The following MTERF4 variants were observed in gnomAD, a reference collection of about 807,000 sequenced individuals.
The protein encoded by MTERF4 is mitochondrial transcription termination factor 4, also known as transcription termination factor 4, mitochondrial.
In MTERF4, 17 loss-of-function variants were observed where a neutral mutation model predicts 22.5. That is an observed-to-expected ratio of 0.75 (90% CI 0.52 to 1.13). The LOEUF is 1.13. Among genes scored for constraint, MTERF4 ranks in the 50% most tolerant of loss-of-function variants. The pLI, the probability that MTERF4 is intolerant of heterozygous loss-of-function variation, is 0.00. For missense variants in MTERF4, 420 were observed against 466.8 expected, an observed-to-expected ratio of 0.90 and a Z score of 0.92; for synonymous variants, 165 against 175.3, an observed-to-expected ratio of 0.94 and a Z score of 0.47.
chr2:241,099,260 A>G (rs1187022579), intron 2 of MTERF4, 136 bp downstream of exon 2: 16 of 945,356 alleles, frequency 1.7e-5, no homozygotes, highest in Non-Finnish European at 2.5e-5. Flanking sequence ...TTTTTAGTTG[A>G]GTCAGGGTTT....
chr2:241,079,130 A>AG (rs35283409), intron 4 of MTERF4, among the ~76,000 whole-genome samples: 5 of 142,952 alleles, frequency 3.5e-5, no homozygotes, highest in Admixed American at 7.1e-5. Flanking sequence ...AAAAAAAAAA[A>AG]GGCCGGGCGC....
the MTERF4 span, among the ~76,000 whole-genome samples, chr2:241,046,343 A>C: frequency 0.029 from 4,358 of 152,306 alleles, 222 homozygotes; most frequent in African/African-American, 0.1. Flanking sequence ...TTTACACACA[A>C]ATCCATATAC....
downstream of MTERF4, chr2:241,093,114 C>G (rs950670715): frequency 6.6e-6 from 1 of 152,588 alleles, no homozygotes; most frequent in Middle Eastern, 3.4e-3. Context: ...AAAGAAGGAA[C>G]AGGCAATTCG....
the MTERF4 span, among the ~76,000 whole-genome samples, chr2:241,042,700 G>GA: frequency 8.5e-5 from 13 of 152,130 alleles, no homozygotes; most frequent in African/African-American, 3.1e-4. Flanking sequence ...TTGTAGAAAT[G>GA]AAAAATATAT....
the MTERF4 span, chr2:241,063,468 T>G: frequency 1.4e-6 from 1 of 730,076 alleles, no homozygotes. Flanking sequence ...ATGTCCTGAG[T>G]AGTTGCTCCC....
the MTERF4 span, among the ~76,000 whole-genome samples, chr2:241,055,668 A>G: frequency 1.5e-4 from 23 of 152,288 alleles, no homozygotes; most frequent in Middle Eastern, 3.4e-3. Context: ...GGCAAGCACA[A>G]TGGATTGAAA....
downstream of MTERF4, chr2:241,088,147 T>C (rs2063679558): frequency 1.8e-6 from 1 of 553,680 alleles, no homozygotes; most frequent in African/African-American, 1.9e-5. Flanking sequence ...GCCAGGTTTC[T>C]AGCCTTGTCA....
Position 241,073,692 on chromosome 2 carries a change from G to C in MTERF4, n.2470C>G. 1 of 463,050 alleles carries C rather than the reference G, an allele frequency of 2.2e-6. No individual in the cohort carries two copies. The highest frequency in any genetic ancestry group is 3.8e-6 in the Non-Finnish European group (1 of 261,746). 28.7% of individuals were successfully genotyped at this position (463,050 alleles called of 1,614,324 possible). A position where few individuals can be genotyped will look rare whatever the true frequency, so the allele number is the denominator to read the frequency against. On this transcript the variant is annotated non_coding_transcript_exon_variant, in exon 5 of 5. Transcript: ENST00000464344. This position sits in a 1 kb window ranked among gnomAD's most constrained non-coding sequence, Gnocchi z 6.6. ...TGCAGCAGAGCCCACCCCAGCCCCT[G>C]CCTCTGGGCCCCTCACCCCTCACTT...
At chr2:241,078,584 G>A (rs1402268307) in intron 4 of MTERF4, among the ~76,000 whole-genome samples, 2 of 151,650 alleles carry the variant, frequency 1.3e-5, no homozygotes, top group East Asian at 3.9e-4. Flanking sequence ...AAGTCCAGCA[G>A]AGGGAGCTCT....
At chr2:241,087,931 A>T (rs898108227), downstream of MTERF4, 3 of 407,500 alleles carry the variant, frequency 7.4e-6, no homozygotes, top group Admixed American at 4.2e-5. Context: ...TGCTTTAGAA[A>T]CCACAGAGTC....
At chr2:241,100,305 G>A (rs1359299097) in intron 1 of MTERF4, among the ~76,000 whole-genome samples, 3 of 152,138 alleles carry the variant, frequency 2.0e-5, no homozygotes, top group Non-Finnish European at 4.4e-5. Flanking sequence ...TGAACAACAA[G>A]GGTTTGAACT....
chr2:241,071,093 G>A (rs1253055499), downstream of MTERF4, among the ~76,000 whole-genome samples: 6 of 152,230 alleles, frequency 3.9e-5, no homozygotes, highest in South Asian at 6.2e-4. Flanking sequence ...GAAGGGGAAG[G>A]AGGGCCCAGC....
the MTERF4 span, among the ~76,000 whole-genome samples, chr2:241,044,461 C>T: frequency 1.3e-5 from 2 of 152,212 alleles, no homozygotes; most frequent in Non-Finnish European, 2.9e-5. Flanking sequence ...TGTCAGAGGA[C>T]TCTGAAAAGT....
chr2:241,068,371 G>A (rs541054281), downstream of MTERF4, among the ~76,000 whole-genome samples: 21 of 151,082 alleles, frequency 1.4e-4, no homozygotes, highest in East Asian at 3.9e-4. The surrounding 1 kb of genome is among the most constrained non-coding windows in gnomAD (Gnocchi z 5.3). Flanking sequence ...TAGCAGCCCC[G>A]AGCTCTCCCA....
At chr2:241,095,070 C>G (rs868130297), downstream of MTERF4, 2 of 144,210 alleles carry the variant, frequency 1.4e-5, no homozygotes, top group Admixed American at 6.8e-5. Flanking sequence ...GCCCCCCCCC[C>G]CCCCCACACC....
chr2:241,071,700 G>GC, downstream of MTERF4: 2 of 1,502,386 alleles, frequency 1.3e-6, no homozygotes, highest in Non-Finnish European at 1.8e-6. Flanking sequence ...GCGCCCCCGA[G>GC]ACCCCCACCC....
exon 5 of MTERF4, chr2:241,072,998 T>G: frequency 4.1e-6 from 2 of 488,072 alleles, no homozygotes; most frequent in Non-Finnish European, 7.3e-6. Context: ...CCTCTCAGCA[T>G]GATCAGTGGT....
downstream of MTERF4, among the ~76,000 whole-genome samples, chr2:241,068,591 C>T (rs1275732042): frequency 2.0e-5 from 3 of 152,046 alleles, no homozygotes; most frequent in African/African-American, 7.2e-5. The surrounding 1 kb of genome is among the most constrained non-coding windows in gnomAD (Gnocchi z 5.3). Flanking sequence ...GTGCTGAGGG[C>T]CCGTCCCCCA....
downstream of MTERF4, among the ~76,000 whole-genome samples, chr2:241,082,614 G>A (rs2063382704): frequency 6.6e-6 from 1 of 152,172 alleles, no homozygotes; most frequent in African/African-American, 2.4e-5. Flanking sequence ...CTGGTCCCCA[G>A]GCCCCCAGGC....
Sources: allele counts gnomAD v4.1 joint callset (sites outside exome capture counted in the v4.1 genomes callset), GRCh38; gene constraint gnomAD v4.1.1; non-coding constraint Gnocchi (gnomAD v3.1); transcripts MANE v1.5; gene names NCBI Gene and HGNC (gene_info 2026-07-23, HGNC 2026-07-21).